CLIC4: variants seen among roughly 807,000 people sequenced by gnomAD.
CLIC4 encodes the protein chloride intracellular channel protein 4.
Under a neutral mutation model 24.6 loss-of-function variants are expected in CLIC4, and 13 were observed. The ratio of observed to expected loss-of-function variants is 0.53; its 90% CI spans 0.34 to 0.84. CLIC4 has a LOEUF of 0.84. Among genes scored for constraint, CLIC4 ranks in the 40% least tolerant of loss-of-function variants. The probability of loss-of-function intolerance (pLI) is 0.01; values close to 1 mark genes in which losing one functional copy is unlikely to be tolerated. For synonymous variants in CLIC4, 104 were observed against 111.3 expected (o/e 0.93, Z 0.41); for missense variants, 227 against 301.7 (o/e 0.75, Z 1.83).
At chr1:24,803,827 G>C (rs575568940) in intron 2 of CLIC4, among the ~76,000 whole-genome samples, 38 of 152,314 alleles carry the variant, frequency 2.5e-4, no homozygotes, top group African/African-American at 8.9e-4. Context: ...CTCTATCACT[G>C]ATTTCACTGG....
At chr1:24,804,281 T>C (rs1639521761) in intron 2 of CLIC4, among the ~76,000 whole-genome samples, 1 of 151,726 alleles carries the variant, frequency 6.6e-6, no homozygotes, top group Non-Finnish European at 1.5e-5. Flanking sequence ...ATGAAGCACT[T>C]GTTAGAACAG....
intron 1 of CLIC4, among the ~76,000 whole-genome samples, chr1:24,755,637 A>G (rs1024374755): frequency 6.6e-5 from 10 of 151,844 alleles, no homozygotes; most frequent in Non-Finnish European, 1.5e-4. Flanking sequence ...AGAATTATCC[A>G]TATAATTAGC....
At chr1:24,763,942 A>G (rs994770261) in intron 1 of CLIC4, among the ~76,000 whole-genome samples, 2 of 152,214 alleles carry the variant, frequency 1.3e-5, no homozygotes, top group Non-Finnish European at 2.9e-5. Context: ...CTTTGCGTCC[A>G]CCACGATATT....
intron 1 of CLIC4, among the ~76,000 whole-genome samples, chr1:24,775,229 T>C (rs867507532): frequency 0.025 from 3,613 of 143,918 alleles, 24 homozygotes; most frequent in Non-Finnish European, 0.041. Context: ...TCTTTCTTTT[T>C]TTTTTTTTTT....
chr1:24,745,753 C>A, intron 1 of CLIC4, 128 bp downstream of exon 1: 1 of 659,048 alleles, frequency 1.5e-6, no homozygotes, highest in Non-Finnish European at 2.3e-6. Context: ...TGCGGGCACC[C>A]GCGCCCCCGG....
chr1:24,753,012 C>T (rs1045461904), intron 1 of CLIC4, among the ~76,000 whole-genome samples: 12 of 152,254 alleles, frequency 7.9e-5, no homozygotes, highest in Admixed American at 5.2e-4. Flanking sequence ...TGAGCCACCG[C>T]GCCCAGCCTA....
chr1:24,819,768 GTC>G (rs1351993830), intron 3 of CLIC4, among the ~76,000 whole-genome samples: 1 of 129,454 alleles, frequency 7.7e-6, no homozygotes, highest in African/African-American at 3.0e-5. Flanking sequence ...TTTTGACAGA[GTC>G]TCTCTGTCGC....
chr1:24,751,448 C>G (rs994544718), intron 1 of CLIC4, among the ~76,000 whole-genome samples: 1 of 149,246 alleles, frequency 6.7e-6, no homozygotes, highest in Non-Finnish European at 1.5e-5. Flanking sequence ...ACTATGTTGG[C>G]CAGGCTGGTC....
chr1:24,831,381 T>C (rs1639839015), intron 4 of CLIC4, among the ~76,000 whole-genome samples: 2 of 152,192 alleles, frequency 1.3e-5, no homozygotes, highest in South Asian at 4.1e-4. Context: ...TACTATGTTA[T>C]AAACCTTGTA....
intron 3 of CLIC4, among the ~76,000 whole-genome samples, chr1:24,823,632 G>T (rs2124163598): frequency 6.6e-6 from 1 of 152,162 alleles, no homozygotes; most frequent in East Asian, 1.9e-4. Flanking sequence ...AAATTAGCTG[G>T]GCGTGGTGAC....
chr1:24,762,976 C>T lies in CLIC4; in HGVS notation c.72+17351C>T, dbSNP rs1001026606. On this transcript the variant is annotated intron_variant, in intron 1 of 5. Coordinates refer to ENST00000374379, the MANE Select transcript of CLIC4 (RefSeq NM_013943.3). ...AGAGAGACATGGTTTAATGGATGTC[C>T]TTCAAGGAATCTCCCAAATGGCCAC... 5.3e-5 allele frequency among the ~76,000 whole-genome samples: 8 copies of T among 152,232 alleles called. 1 individual carries two copies. The South Asian group carries it at 1.7e-3, about 32-fold the overall frequency.
At chr1:24,789,844 A>G (rs992860251) in intron 1 of CLIC4, among the ~76,000 whole-genome samples, 2 of 151,328 alleles carry the variant, frequency 1.3e-5, no homozygotes, top group African/African-American at 4.9e-5. Flanking sequence ...ATTCCATTTG[A>G]TATGATTCTT....
chr1:24,794,351 G>GT (rs767444585), intron 1 of CLIC4, among the ~76,000 whole-genome samples: 56,273 of 130,556 alleles, frequency 0.43, 10,928 homozygotes, highest in Non-Finnish European at 0.47. Context: ...GCCAGCATCT[G>GT]TTTTTTTTTT....
At chr1:24,787,430 C>A (rs1639282316) in intron 1 of CLIC4, among the ~76,000 whole-genome samples, 1 of 151,998 alleles carries the variant, frequency 6.6e-6, no homozygotes. Context: ...ATTTAAAAAA[C>A]AAGTTATTGG....
chr1:24,781,643 G>A (rs988519634), intron 1 of CLIC4, among the ~76,000 whole-genome samples: 2 of 151,678 alleles, frequency 1.3e-5, no homozygotes, highest in African/African-American at 4.8e-5. Flanking sequence ...TCTAGGAAAA[G>A]AAGATGGAGA....
At chr1:24,811,971 C>G (rs1355669540) in intron 2 of CLIC4, among the ~76,000 whole-genome samples, 1 of 152,220 alleles carries the variant, frequency 6.6e-6, no homozygotes, top group Non-Finnish European at 1.5e-5. Flanking sequence ...GTCAGCATAA[C>G]AGTTTCACCA....
chr1:24,818,494 C>G (rs1639694004), intron 3 of CLIC4, among the ~76,000 whole-genome samples: 1 of 152,078 alleles, frequency 6.6e-6, no homozygotes. Flanking sequence ...ACCATGTTGG[C>G]CAGGCTTGTC....
intron 1 of CLIC4, among the ~76,000 whole-genome samples, chr1:24,790,261 G>A (rs1395684542): frequency 5.3e-5 from 8 of 152,082 alleles, no homozygotes; most frequent in African/African-American, 1.2e-4. Context: ...TGGTAGAGAC[G>A]GGGTTTCACC....
intron 1 of CLIC4, among the ~76,000 whole-genome samples, chr1:24,760,566 G>T (rs1194525229): frequency 1.3e-5 from 2 of 151,984 alleles, no homozygotes. Flanking sequence ...CTTCATGGAA[G>T]ACTTTTGCTG....
Sources: allele counts gnomAD v4.1 joint callset (sites outside exome capture counted in the v4.1 genomes callset), GRCh38; gene constraint gnomAD v4.1.1; transcripts MANE v1.5; gene names NCBI Gene and HGNC (gene_info 2026-07-23, HGNC 2026-07-21).